The following MTUS2 variants were observed in gnomAD, a reference collection of about 807,000 sequenced individuals.
MTUS2 encodes microtubule-associated tumor suppressor candidate 2.
In MTUS2, 40 loss-of-function variants were observed where a neutral mutation model predicts 114.1. That is an observed-to-expected ratio of 0.35 (90% confidence interval 0.27 to 0.46). The LOEUF (loss-of-function observed/expected upper bound fraction) is 0.46, where lower values mean the gene tolerates loss of function less well. Among genes scored for constraint, MTUS2 ranks in the 20% least tolerant of loss-of-function variants. MTUS2 has a pLI of 1.00. For missense variants in MTUS2, 1,679 were observed against 1,705.4 expected, an observed-to-expected ratio of 0.98 and a Z score of 0.27; for synonymous variants, 688 against 672.0, an observed-to-expected ratio of 1.02 and a Z score of -0.37.
chr13:29,214,085 T>A (rs1283521212), intron 5 of MTUS2, among the ~76,000 whole-genome samples: 1 of 152,174 alleles, frequency 6.6e-6, no homozygotes, highest in Non-Finnish European at 1.5e-5. Flanking sequence ...GATGTATGAA[T>A]CTTACCAACA....
chr13:29,337,184 G>A (rs980081039), intron 7 of MTUS2, among the ~76,000 whole-genome samples: 10 of 67,846 alleles, frequency 1.5e-4, no homozygotes, highest in African/African-American at 3.5e-4. Flanking sequence ...AGACACCACT[G>A]GCATATGAAA....
intron 6 of MTUS2, among the ~76,000 whole-genome samples, chr13:29,294,698 A>G (rs1287696960): frequency 2.0e-5 from 3 of 152,242 alleles, no homozygotes; most frequent in African/African-American, 4.8e-5. Context: ...CACACAACAT[A>G]TACTTCATAT....
chr13:29,004,981 A>G lies in MTUS2; in HGVS notation c.-242-19476A>G, dbSNP rs144658664. On this transcript the variant is annotated intron_variant, in intron 2 of 15. Transcript: ENST00000612955. Reference sequence around the variant, plus strand: ...ATGAGCAGGTTCTGCAGAGTAAAGGAGGACTTCAGGGCTGCTCTCTAGAGG... The same window carrying G: ...ATGAGCAGGTTCTGCAGAGTAAAGGGGGACTTCAGGGCTGCTCTCTAGAGG... Among the ~76,000 whole-genome samples, 223 of 152,252 alleles carry G rather than the reference A, an allele frequency of 1.5e-3. 4 individuals are homozygous for G. Among genetic ancestry groups the G allele is most frequent in the South Asian group, 6.4e-3 (31 of 4,818 alleles).
chr13:29,453,188 A>G (rs965151263), intron 9 of MTUS2, among the ~76,000 whole-genome samples: 11 of 152,246 alleles, frequency 7.2e-5, no homozygotes, highest in Non-Finnish European at 1.5e-4. Flanking sequence ...AGAAAAAGAC[A>G]TAACGTGTTA....
rs1226959302 is a variant in MTUS2, at chr13:29,389,568, TAC to T, written c.3117+30097_3117+30098del. Among the ~76,000 whole-genome samples, 13 of 52,158 alleles carry T rather than the reference TAC, an allele frequency of 2.5e-4. 1 individual carries two copies. The highest frequency in any genetic ancestry group is 7.5e-4 in the South Asian group (1 of 1,340). The allele number at this position is 52,158 out of a possible 152,430, so 34.2% of individuals were successfully genotyped here. Reference sequence around the variant, plus strand: ...ATATGTATACACGTGTGTATATGTGTACATATGTGTGTATACGTATACATATG... The same window carrying T: ...ATATGTATACACGTGTGTATATGTGTATATGTGTGTATACGTATACATATG... On this transcript the variant is annotated intron_variant, in intron 8 of 15. Coordinates refer to ENST00000612955, the MANE Select transcript of MTUS2 (RefSeq NM_001033602.4).
intron 7 of MTUS2, among the ~76,000 whole-genome samples, chr13:29,355,198 C>T (rs145315443): frequency 6.6e-6 from 1 of 152,300 alleles, no homozygotes; most frequent in African/African-American, 2.4e-5. Flanking sequence ...GGGCCGTGTC[C>T]TCTCCAGTGC....
rs1180583939 is a variant in MTUS2 at position 29,195,178 on chromosome 13, G to T, written c.2645-86526G>T. Among the ~76,000 whole-genome samples, 3 of 151,348 alleles carry T rather than the reference G, an allele frequency of 2.0e-5. No homozygotes were observed. The East Asian group carries it at 5.8e-4, about 29-fold the overall frequency. On this transcript the variant is annotated intron_variant, in intron 5 of 15. Transcript: ENST00000612955. ...TTAATGGGTGCAGCACACCAGCATGGCACATGTATACATATGTAACTAACC... is the reference window on the plus strand; with the variant it reads ...TTAATGGGTGCAGCACACCAGCATGTCACATGTATACATATGTAACTAACC...
chr13:29,471,581 T>A (rs1880302240), intron 9 of MTUS2, among the ~76,000 whole-genome samples: 1 of 152,128 alleles, frequency 6.6e-6, no homozygotes, highest in Non-Finnish European at 1.5e-5. Flanking sequence ...GGTAAAGAGA[T>A]GTGTTGCAGT....
intron 5 of MTUS2, among the ~76,000 whole-genome samples, chr13:29,214,022 GT>G (rs1566070412): frequency 6.6e-6 from 1 of 151,368 alleles, no homozygotes; most frequent in South Asian, 2.1e-4. Context: ...ATTAATGTAT[GT>G]TTTTATCCTT....
Position 28,820,610 on chromosome 13 carries a change from A to G in MTUS2, c.-317A>G, listed in dbSNP as rs1873821847. On this transcript the variant is annotated splice_region_variant and 5_prime_UTR_variant, in exon 1 of 16. Coordinates refer to ENST00000612955, the MANE Select transcript of MTUS2 (RefSeq NM_001033602.4). ...CATCTTTCTTGGCTCTTTTTGACCC[A>G]GGTGAGCGAATCCTCTGCTGCGCGG... is the stretch of plus-strand genomic sequence containing the variant. 1 of 152,172 alleles carries G rather than the reference A, an allele frequency of 6.6e-6. No individual in the cohort carries two copies. The highest frequency in any genetic ancestry group is 1.5e-5 in the Non-Finnish European group (1 of 68,098). 9.4% of individuals were successfully genotyped at this position (152,172 alleles called of 1,614,324 possible). A position where few individuals can be genotyped will look rare whatever the true frequency, so the allele number is the denominator to read the frequency against.
chr13:29,136,779 G>A (rs1891996286), intron 5 of MTUS2, among the ~76,000 whole-genome samples: 1 of 152,098 alleles, frequency 6.6e-6, no homozygotes, highest in Non-Finnish European at 1.5e-5. Context: ...ACTCTAATTT[G>A]TTAATTAATC....
rs566125086 is a variant in MTUS2, at chr13:29,470,661, C to A, written c.3185-9489C>A. ...TATCCCGTTTGATACTCTCTGGGGACTTTCCACTGTTACCTGAGCATAACC... is the reference window on the plus strand; with the variant it reads ...TATCCCGTTTGATACTCTCTGGGGAATTTCCACTGTTACCTGAGCATAACC... On this transcript the variant is annotated intron_variant, in intron 9 of 15. Transcript: ENST00000612955. Among the ~76,000 whole-genome samples, 3 of 152,366 alleles carry A rather than the reference C, an allele frequency of 2.0e-5. No individual in the cohort carries two copies. The South Asian group carries it at 6.2e-4, about 32-fold the overall frequency.
At chr13:28,862,887 T>C (rs1003389163) in intron 2 of MTUS2, among the ~76,000 whole-genome samples, 3 of 152,202 alleles carry the variant, frequency 2.0e-5, no homozygotes, top group Non-Finnish European at 4.4e-5. Flanking sequence ...AATAGATATT[T>C]CCCAGTAGAG....
chr13:29,383,171 A>G (rs1872343259), intron 8 of MTUS2, among the ~76,000 whole-genome samples: 1 of 150,006 alleles, frequency 6.7e-6, no homozygotes, highest in Admixed American at 6.7e-5. Flanking sequence ...AATGACATAC[A>G]AGTCATAGCA....
At position 29,232,277 on chromosome 13, in the gene MTUS2, T is replaced by TACAC. The variant is rs869185360; in HGVS notation, c.2645-49410_2645-49407dup. On this transcript the variant is annotated intron_variant, in intron 5 of 15. Transcript: ENST00000612955. Reference sequence around the variant, plus strand: ...GTAGGCCAAACAGAATATACATACATACACACACACACACACACACGCGCG... The same window carrying TACAC: ...GTAGGCCAAACAGAATATACATACATACACACACACACACACACACACACGCGCG... Among the ~76,000 whole-genome samples the TACAC allele has an allele frequency of 1.9e-4, 17 of 87,576 alleles. No individual in the cohort carries two copies. In the East Asian group the frequency reaches 3.8e-3, roughly 20 times the overall value. The allele number at this position is 87,576 out of a possible 152,430, so 57.5% of individuals were successfully genotyped here. A position where few individuals can be genotyped will look rare whatever the true frequency, so the allele number is the denominator to read the frequency against.
intron 2 of MTUS2, among the ~76,000 whole-genome samples, chr13:28,936,265 C>A (rs1279627763): frequency 6.6e-6 from 1 of 152,170 alleles, no homozygotes. Context: ...TACCCCTGCA[C>A]CCTAAGCCTT....
intron 2 of MTUS2, among the ~76,000 whole-genome samples, chr13:28,883,856 A>G (rs571650978): frequency 2.0e-5 from 3 of 152,336 alleles, no homozygotes; most frequent in East Asian, 3.9e-4. Flanking sequence ...TATAATGGCA[A>G]TTATTTAGAA....
In MTUS2 at chr13:29,375,515, CTATATATA is replaced by C. The variant is rs1357812821; in HGVS notation, c.3117+16057_3117+16064del. On this transcript the variant is annotated intron_variant, in intron 8 of 15. Transcript: ENST00000612955. ...CCGCAATCACCTTTGCACCAGCCTA[CTATATATA>C]TATATATATATATACGTGTATATAT... is the stretch of plus-strand genomic sequence containing the variant. Among the ~76,000 whole-genome samples, 4 of 5,696 alleles carry C rather than the reference CTATATATA, an allele frequency of 7.0e-4. 2 individuals carry two copies. Among genetic ancestry groups the C allele is most frequent in the African/African-American group, 9.8e-4 (4 of 4,084 alleles). The allele number at this position is 5,696 out of a possible 152,430, so 3.7% of individuals were successfully genotyped here.
chr13:29,480,376 G>C lies in MTUS2; in HGVS notation c.3399+12G>C. The C allele has an allele frequency of 1.8e-5, 27 of 1,506,406 alleles. No individual in the cohort carries two copies. Among genetic ancestry groups the C allele is most frequent in the Non-Finnish European group, 2.4e-5 (27 of 1,124,034 alleles). 93.3% of individuals were successfully genotyped at this position (1,506,406 alleles called of 1,614,324 possible). On this transcript the variant is annotated intron_variant, in intron 10 of 15. Transcript: ENST00000612955. The surrounding 1 kb of genome is among the most constrained non-coding windows in gnomAD (Gnocchi z 4.4). ...AACACCAGGAGCAGGTCAGTCTGCA[G>C]TGCGGCTCGAGCTCTGCTGTTGGGT...
Sources: gnomAD v4.1 joint callset for allele counts (sites outside exome capture counted in the v4.1 genomes callset) on GRCh38, gnomAD v4.1.1 for gene constraint, Gnocchi (gnomAD v3.1) non-coding constraint, MANE v1.5 for transcripts, NCBI Gene and HGNC (gene_info 2026-07-23, HGNC 2026-07-21) for gene names.